EIF4E3: variants seen among roughly 807,000 people sequenced by gnomAD.
The protein encoded by EIF4E3 is eukaryotic translation initiation factor 4E family member 3.
EIF4E3 carries 26 observed loss-of-function variants against 31.7 expected under a neutral mutation model. That is an observed-to-expected ratio of 0.82 (90% confidence interval 0.60 to 1.14). The LOEUF (loss-of-function observed/expected upper bound fraction) is 1.14, where lower values mean the gene tolerates loss of function less well. Among genes scored for constraint, EIF4E3 ranks in the 50% most tolerant of loss-of-function variants. The pLI, the probability that EIF4E3 is intolerant of heterozygous loss-of-function variation, is 0.00. For missense variants in EIF4E3, 304 were observed against 270.9 expected, an observed-to-expected ratio of 1.12 and a Z score of -0.86; for synonymous variants, 128 against 107.7, an observed-to-expected ratio of 1.19 and a Z score of -1.17.
At chr3:71,745,298 G>A (rs1380192538) in intron 1 of EIF4E3, among the ~76,000 whole-genome samples, 1 of 152,142 alleles carries the variant, frequency 6.6e-6, no homozygotes, top group Admixed American at 6.6e-5. Flanking sequence ...TAGAGGGTGG[G>A]CATTTAAAAG....
At chr3:71,722,146 G>C (rs970819572) in intron 1 of EIF4E3, among the ~76,000 whole-genome samples, 2 of 152,158 alleles carry the variant, frequency 1.3e-5, no homozygotes, top group African/African-American at 2.4e-5. Flanking sequence ...TTCTGGGCTG[G>C]GCAACTGGAA....
At chr3:71,668,183 C>T in the EIF4E3 span, among the ~76,000 whole-genome samples, 10 of 152,028 alleles carry the variant, frequency 6.6e-5, no homozygotes, top group East Asian at 1.9e-4. Context: ...AATAGTGTTG[C>T]GAAAACTGGC....
chr3:71,697,509 C>G (rs2049156209), intron 3 of EIF4E3, among the ~76,000 whole-genome samples: 2 of 152,004 alleles, frequency 1.3e-5, no homozygotes, highest in African/African-American at 4.8e-5. Flanking sequence ...GCTCCAAGAC[C>G]TCATTCATTC....
intron 2 of EIF4E3, among the ~76,000 whole-genome samples, chr3:71,704,488 C>A (rs1578352517): frequency 1.3e-5 from 2 of 152,274 alleles, no homozygotes; most frequent in African/African-American, 4.8e-5. Context: ...GGAGGGCCTG[C>A]CACAACCTTA....
chr3:71,697,688 A>G (rs1405408365), intron 3 of EIF4E3, among the ~76,000 whole-genome samples: 3 of 151,084 alleles, frequency 2.0e-5, no homozygotes, highest in Admixed American at 1.3e-4. Flanking sequence ...TGTCTGGTTT[A>G]TCTCACTTAA....
chr3:71,663,657 T>A, the EIF4E3 span, among the ~76,000 whole-genome samples: 13 of 152,196 alleles, frequency 8.5e-5, 1 homozygote, highest in African/African-American at 2.9e-4. Context: ...AGCTTCTTCA[T>A]CCACTGGATC....
chr3:71,690,081 C>T lies in EIF4E3; in HGVS notation c.557G>A (p.Gly186Asp), dbSNP rs975581533. Residue 186 changes from glycine (G) to aspartate (D), a missense_variant, in exon 6 of 7, where the codon GGT becomes GAT. By Grantham distance (94) the Gly-to-Asp change is moderately conservative (BLOSUM62 -1). Transcript: ENST00000425534. The part of the protein sequence containing the change: ...QVWNVNASLV[G>D]EATVLEKIYE... ...GATCTTTTCTAAAACAGTCGCTTCA[C>T]CCACTAAAGAGGCATTTACATTCCA... 3.1e-6 allele frequency: 5 copies of T among 1,613,726 alleles called. No individual in the cohort carries two copies. The East Asian group carries it at 1.1e-4, about 36-fold the overall frequency.
At chr3:71,706,385 T>C (rs924650808) in intron 2 of EIF4E3, among the ~76,000 whole-genome samples, 3 of 152,200 alleles carry the variant, frequency 2.0e-5, no homozygotes, top group African/African-American at 7.2e-5. Context: ...GGCCTCAAAG[T>C]ATAAAAAGAC....
Position 71,675,502 on chromosome 3 carries a change from C to T in EIF4E3, c.*9180G>A, listed in dbSNP as rs1338263245. 1.3e-5 allele frequency: 2 copies of T among 152,124 alleles called. No homozygotes were observed. The highest frequency in any genetic ancestry group is 2.9e-5 in the Non-Finnish European group (2 of 68,020). 9.4% of individuals were successfully genotyped at this position (152,124 alleles called of 1,614,324 possible). On this transcript the variant is annotated 3_prime_UTR_variant, in exon 7 of 7. Transcript: ENST00000425534. Reference sequence around the variant, plus strand: ...TCCTAGCTATAAACTGGTTTTAAGACAAATCTGCTTACATGGAGTTGTCGC... The same window carrying T: ...TCCTAGCTATAAACTGGTTTTAAGATAAATCTGCTTACATGGAGTTGTCGC...
intron 2 of EIF4E3, 76 bp from the exon 3 acceptor site, chr3:71,699,784 G>T: frequency 8.1e-7 from 1 of 1,238,290 alleles, no homozygotes; most frequent in Non-Finnish European, 1.1e-6. Flanking sequence ...TCAAATTAAT[G>T]CATTAAAGAA....
intron 1 of EIF4E3, among the ~76,000 whole-genome samples, chr3:71,741,050 G>A (rs950932825): frequency 3.3e-5 from 5 of 152,036 alleles, no homozygotes; most frequent in African/African-American, 1.2e-4. Context: ...CCAGGAGAAT[G>A]GCTTGAAACC....
At position 71,725,255 on chromosome 3, in the gene EIF4E3, G is replaced by A. The variant is rs1385274093; in HGVS notation, c.113C>T (p.Ser38Leu). Residue 38 changes from serine (S) to leucine (L), a missense_variant, in exon 1 of 7, where the codon TCG becomes TTG. Coordinates refer to ENST00000425534, the MANE Select transcript of EIF4E3 (RefSeq NM_001134651.2). The surrounding 1 kb of genome is among the most constrained non-coding windows in gnomAD (Gnocchi z 6.1). ...CCCGCCCGGCTCAGGCTGCAGCGCC[G>A]ACAGCTGCTGCAGGCCGAGCGGCGG... is the stretch of plus-strand genomic sequence containing the variant. ...PEPPLGLQQL[S>L]ALQPEPGGVP... 1 of 1,076,472 alleles carries A rather than the reference G, an allele frequency of 9.3e-7. No individual in the cohort carries two copies. The highest frequency in any genetic ancestry group is 1.1e-6 in the Non-Finnish European group (1 of 889,334). The allele number at this position is 1,076,472 out of a possible 1,614,324, so 66.7% of individuals were successfully genotyped here.
chr3:71,752,482 A>C (rs1222082221), intron 1 of EIF4E3, among the ~76,000 whole-genome samples: 1 of 152,158 alleles, frequency 6.6e-6, no homozygotes, highest in Non-Finnish European at 1.5e-5. Flanking sequence ...ATCTTGCACT[A>C]TCCTGAAAAT....
intron 1 of EIF4E3, among the ~76,000 whole-genome samples, chr3:71,719,527 T>C (rs2049514188): frequency 6.6e-6 from 1 of 151,636 alleles, no homozygotes; most frequent in Non-Finnish European, 1.5e-5. Context: ...ATGGCTCACC[T>C]TTCTGATGAA....
chr3:71,749,818 C>A (rs1057415131), intron 1 of EIF4E3, among the ~76,000 whole-genome samples: 1 of 152,184 alleles, frequency 6.6e-6, no homozygotes, highest in Admixed American at 6.5e-5. Context: ...GAGATGAAGG[C>A]ATGCAATTTG....
intron 1 of EIF4E3, among the ~76,000 whole-genome samples, chr3:71,745,384 C>T (rs1489879995): frequency 6.6e-6 from 1 of 152,136 alleles, no homozygotes; most frequent in East Asian, 1.9e-4. Flanking sequence ...ACAGTAGGTA[C>T]ATCCTTAAAG....
In EIF4E3 at chr3:71,710,419, G is replaced by A. The variant is rs368266310; in HGVS notation, c.242C>T (p.Thr81Ile). 3 of 1,551,998 alleles carry A rather than the reference G, an allele frequency of 1.9e-6. No individual in the cohort carries two copies. In the African/African-American group the frequency reaches 4.1e-5, roughly 21 times the overall value. Residue 81 changes from threonine to isoleucine, a missense_variant, in exon 2 of 7, where the codon ACA becomes ATA. By Grantham distance (89) the Thr-to-Ile change is moderately conservative. Transcript: ENST00000425534. ...TCCCTCTCTTGATCTTACCTGTACT[G>A]TCTGTACTGTGTAGATTTTCTTCAG... ...SNLKKIYTVQ[T>I]VQIFWSVYNN... is the part of the protein sequence containing the mutation.
intron 1 of EIF4E3, among the ~76,000 whole-genome samples, chr3:71,735,152 C>T (rs1256681360): frequency 1.3e-5 from 2 of 152,158 alleles, no homozygotes; most frequent in Non-Finnish European, 2.9e-5. Flanking sequence ...ACTAGGTGTT[C>T]ATCTCATCTA....
At chr3:71,668,923 C>T in the EIF4E3 span, among the ~76,000 whole-genome samples, 1 of 152,150 alleles carries the variant, frequency 6.6e-6, no homozygotes, top group Admixed American at 6.5e-5. Flanking sequence ...ATAAATCATT[C>T]TACTATAAAG....
Sources: allele counts gnomAD v4.1 joint callset (sites outside exome capture counted in the v4.1 genomes callset), GRCh38; gene constraint gnomAD v4.1.1; non-coding constraint Gnocchi (gnomAD v3.1); transcripts MANE v1.5; gene names NCBI Gene and HGNC (gene_info 2026-07-23, HGNC 2026-07-21).